The following SGIP1 variants were observed in gnomAD, a reference collection of about 807,000 sequenced individuals.
The protein encoded by SGIP1 is SH3-containing GRB2-like protein 3-interacting protein 1.
A neutral mutation model predicts 107.5 loss-of-function variants in SGIP1; 38 were observed. The observed-to-expected ratio is 0.35, with a 90% confidence interval of 0.27 to 0.46. The LOEUF is 0.46. Among genes scored for constraint, SGIP1 ranks in the 20% least tolerant of loss-of-function variants. The pLI, the probability that SGIP1 is intolerant of heterozygous loss-of-function variation, is 1.00. For synonymous variants in SGIP1, 365 were observed against 366.1 expected (o/e 1.00, Z 0.03); for missense variants, 929 against 1,019.5 (o/e 0.91, Z 1.21).
intron 7 of SGIP1, among the ~76,000 whole-genome samples, chr1:66,654,767 C>T (rs1417553884): frequency 6.6e-6 from 1 of 152,168 alleles, no homozygotes; most frequent in Admixed American, 6.5e-5. Context: ...GTCTAAAGGA[C>T]AGCCTCTAAC....
intron 19 of SGIP1, among the ~76,000 whole-genome samples, chr1:66,726,159 G>C (rs578117440): frequency 1.3e-5 from 2 of 152,310 alleles, no homozygotes; most frequent in East Asian, 3.9e-4. Flanking sequence ...CGTAAGCCTT[G>C]TGCATTGCAA....
chr1:66,642,129 C>T (rs1441937112), intron 5 of SGIP1, among the ~76,000 whole-genome samples: 1 of 152,212 alleles, frequency 6.6e-6, no homozygotes, highest in Non-Finnish European at 1.5e-5. Context: ...GCTGCAGTAG[C>T]TACCTCAAGT....
intron 2 of SGIP1, among the ~76,000 whole-genome samples, chr1:66,629,878 A>C (rs1048264988): frequency 5.3e-5 from 8 of 152,302 alleles, no homozygotes; most frequent in Middle Eastern, 3.4e-3. Context: ...TGTTCTAGAG[A>C]CTGTCTCAGG....
intron 1 of SGIP1, among the ~76,000 whole-genome samples, chr1:66,571,510 C>T (rs1414455707): frequency 6.6e-6 from 1 of 151,880 alleles, no homozygotes; most frequent in East Asian, 1.9e-4. Flanking sequence ...CTAGAAATGA[C>T]GTGAGGTGAG....
intron 1 of SGIP1, among the ~76,000 whole-genome samples, chr1:66,584,190 A>C (rs2062217320): frequency 6.6e-6 from 1 of 151,958 alleles, no homozygotes; most frequent in South Asian, 2.1e-4. Context: ...AATAATCTCC[A>C]TATTTTCAAT....
intron 1 of SGIP1, among the ~76,000 whole-genome samples, chr1:66,614,652 A>G (rs2068766636): frequency 6.6e-6 from 1 of 152,108 alleles, no homozygotes; most frequent in Non-Finnish European, 1.5e-5. Context: ...TTTTAGAAGT[A>G]GACTTCATAG....
At chr1:66,742,614 C>T (rs1041198799) in intron 24 of SGIP1, among the ~76,000 whole-genome samples, 6 of 149,998 alleles carry the variant, frequency 4.0e-5, no homozygotes, top group Non-Finnish European at 8.9e-5. Flanking sequence ...GGACTACAGG[C>T]GCCCACCACC....
intron 1 of SGIP1, among the ~76,000 whole-genome samples, chr1:66,560,910 A>G (rs2058841538): frequency 6.6e-6 from 1 of 152,080 alleles, no homozygotes; most frequent in South Asian, 2.1e-4. Flanking sequence ...TTAAGCGTGC[A>G]TATAAAGAAA....
In SGIP1 at chr1:66,744,187, T is replaced by C. The variant is rs2094523240; in HGVS notation, c.*1092T>C. The C allele has an allele frequency of 1.3e-5, 2 of 152,176 alleles. No individual in the cohort carries two copies. Among genetic ancestry groups the C allele is most frequent in the Admixed American group, 6.5e-5 (1 of 15,276 alleles). 9.4% of individuals were successfully genotyped at this position (152,176 alleles called of 1,614,324 possible). ...AATCATTGTTTATATCATTTGAGAA[T>C]GAAAAAATAAGCTTCATAAATGAAA... is the stretch of plus-strand genomic sequence containing the variant. On this transcript the variant is annotated 3_prime_UTR_variant, in exon 25 of 25. Transcript: ENST00000371037.
upstream of SGIP1, among the ~76,000 whole-genome samples, chr1:66,533,884 G>A (rs12081850): frequency 6.6e-6 from 1 of 152,016 alleles, no homozygotes; most frequent in Admixed American, 6.5e-5. Context: ...GCACCCAGCC[G>A]CTTCTGTAAG....
At chr1:66,648,373 A>G (rs138803160) in intron 7 of SGIP1, among the ~76,000 whole-genome samples, 1 of 138,562 alleles carries the variant, frequency 7.2e-6, no homozygotes, top group Non-Finnish European at 1.5e-5. Context: ...ATTGCCATTC[A>G]ATTAATGCTT....
chr1:66,657,405 A>C (rs561677651), intron 7 of SGIP1, among the ~76,000 whole-genome samples: 2 of 152,270 alleles, frequency 1.3e-5, no homozygotes, highest in South Asian at 4.1e-4. Flanking sequence ...CCTTCATGTA[A>C]GTGACCATCA....
At chr1:66,548,256 G>T (rs1354604009) in intron 1 of SGIP1, among the ~76,000 whole-genome samples, 1 of 150,780 alleles carries the variant, frequency 6.6e-6, no homozygotes, top group Non-Finnish European at 1.5e-5. Flanking sequence ...GGAGGAGGAG[G>T]GATTGTCTTG....
intron 1 of SGIP1, among the ~76,000 whole-genome samples, chr1:66,545,213 G>A (rs1392849084): frequency 6.6e-6 from 1 of 152,202 alleles, no homozygotes; most frequent in African/African-American, 2.4e-5. Flanking sequence ...GCCTTAGTGT[G>A]CTGTGCAAAG....
chr1:66,605,777 C>T (rs898238655), intron 1 of SGIP1, among the ~76,000 whole-genome samples: 9 of 152,050 alleles, frequency 5.9e-5, no homozygotes, highest in African/African-American at 9.7e-5. Context: ...GAGGATACAA[C>T]GTTTTAGCAT....
chr1:66,557,511 T>C (rs2058355516), intron 1 of SGIP1, among the ~76,000 whole-genome samples: 1 of 152,124 alleles, frequency 6.6e-6, no homozygotes. Flanking sequence ...TATCCTCTCC[T>C]ACACATGTTT....
At chr1:66,663,019 G>A (rs1267207734) in intron 8 of SGIP1, among the ~76,000 whole-genome samples, 3 of 152,008 alleles carry the variant, frequency 2.0e-5, no homozygotes, top group Non-Finnish European at 4.4e-5. Flanking sequence ...GTTTGGTTGT[G>A]CAGTTAAAAA....
At chr1:66,694,470 GC>G (rs1301915902) in intron 17 of SGIP1, 1 of 1,607,820 alleles carries the variant, frequency 6.2e-7, no homozygotes, top group South Asian at 1.1e-5. Context: ...ATGACAAACT[GC>G]CCTCGTTTGA....
At chr1:66,699,176 C>T (rs1354046691) in intron 18 of SGIP1, among the ~76,000 whole-genome samples, 1 of 152,090 alleles carries the variant, frequency 6.6e-6, no homozygotes, top group East Asian at 1.9e-4. Context: ...GCCATCACTT[C>T]CATAGCACTC....
Sources: gnomAD v4.1 joint callset for allele counts (sites outside exome capture counted in the v4.1 genomes callset) on GRCh38, gnomAD v4.1.1 for gene constraint, MANE v1.5 for transcripts, NCBI Gene and HGNC (gene_info 2026-07-23, HGNC 2026-07-21) for gene names.